The following PAG1 variants were observed in gnomAD, a reference collection of about 807,000 sequenced individuals.
PAG1 encodes the protein phosphoprotein associated with glycosphingolipid-enriched microdomains 1.
Under a neutral mutation model 31.7 loss-of-function variants are expected in PAG1, and 23 were observed. That is an observed-to-expected ratio of 0.73 (90% CI 0.52 to 1.03). The LOEUF (loss-of-function observed/expected upper bound fraction) is 1.03. Ranked by LOEUF, PAG1 falls within the 50% of genes least tolerant of loss-of-function variation. PAG1 has a pLI of 0.00. For missense variants in PAG1, 473 were observed against 540.7 expected (o/e 0.87, Z 1.24); for synonymous variants, 214 against 210.3 (o/e 1.02, Z -0.15).
chr8:80,982,248 T>C (rs1439126464), intron 7 of PAG1, among the ~76,000 whole-genome samples: 1 of 152,162 alleles, frequency 6.6e-6, no homozygotes, highest in Non-Finnish European at 1.5e-5. Context: ...ATTCTCTTTC[T>C]AATCCATTTC....
At chr8:81,009,592 C>T (rs1586162580) in intron 3 of PAG1, among the ~76,000 whole-genome samples, 3 of 152,078 alleles carry the variant, frequency 2.0e-5, no homozygotes, top group Admixed American at 1.3e-4. Flanking sequence ...TAAATTAGAC[C>T]AGTGGTTTTC....
intron 1 of PAG1, among the ~76,000 whole-genome samples, chr8:81,101,484 C>T (rs1050039312): frequency 5.3e-5 from 8 of 152,136 alleles, no homozygotes; most frequent in Non-Finnish European, 1.2e-4. Flanking sequence ...ACAATGACAC[C>T]ATTCTAGTTT....
At chr8:81,048,774 T>C (rs1347405696) in intron 2 of PAG1, among the ~76,000 whole-genome samples, 1 of 152,198 alleles carries the variant, frequency 6.6e-6, no homozygotes, top group African/African-American at 2.4e-5. Context: ...TATTAGATGA[T>C]CTTAAAAGCT....
chr8:81,111,430 G>A (rs1419705871), intron 1 of PAG1, among the ~76,000 whole-genome samples, 161 bp downstream of exon 1: 1 of 152,132 alleles, frequency 6.6e-6, no homozygotes, highest in African/African-American at 2.4e-5. Context: ...CTGGACTCCA[G>A]ACCTTCCAGC....
rs115808386 is a variant in PAG1 at position 81,073,119 on chromosome 8, C to T, written c.-233-2949G>A. The stretch of plus-strand genomic sequence containing the variant: ...ATTCTGTGCCATCTTAGGACATTTC[C>T]ACTGCCAACTTGTCCTGTGGTTGTT... On this transcript the variant is annotated intron_variant, in intron 1 of 8. Transcript: ENST00000220597. Among the ~76,000 whole-genome samples, 736 of 152,296 alleles carry T rather than the reference C, an allele frequency of 4.8e-3. 6 individuals carry two copies. The highest frequency in any genetic ancestry group is 0.016 in the African/African-American group (672 of 41,550).
At chr8:81,001,670 T>G (rs1807786939) in intron 3 of PAG1, among the ~76,000 whole-genome samples, 1 of 152,230 alleles carries the variant, frequency 6.6e-6, no homozygotes, top group Non-Finnish European at 1.5e-5. Context: ...CCAGCTACTT[T>G]ACTGTGGGTT....
Position 80,976,552 on chromosome 8 carries a change from T to C in PAG1, c.1291A>G (p.Arg431Gly). Reference protein sequence around the residue: ...SDLQQGRDITRL With the variant: ...SDLQQGRDITGL ...GGTTGTCTTCTGGGTTGCTAGAGCC[T>C]GGTAATATCTCTGCCTTGCTGCAAG... The change falls in exon 9 of 9, where the codon AGG (arginine) becomes GGG (glycine). Residue 431 changes from arginine (R) to glycine (G), a missense_variant. Transcript: ENST00000220597. 1 of 1,610,406 alleles carries C rather than the reference T, an allele frequency of 6.2e-7. No individual in the cohort carries two copies. Among genetic ancestry groups the C allele is most frequent in the Non-Finnish European group, 8.5e-7 (1 of 1,178,714 alleles).
chr8:81,087,700 C>T (rs1809382632), intron 1 of PAG1, among the ~76,000 whole-genome samples: 4 of 152,182 alleles, frequency 2.6e-5, no homozygotes, highest in African/African-American at 9.7e-5. Flanking sequence ...CACAAAGTTA[C>T]AGAACAAGCC....
chr8:81,106,908 T>C (rs16908611), intron 1 of PAG1, among the ~76,000 whole-genome samples: 3,677 of 152,328 alleles, frequency 0.024, 69 homozygotes, highest in East Asian at 0.11. Context: ...TTGAAAACCA[T>C]AGTCTCATGG....
At chr8:81,029,349 C>T (rs555202679) in intron 3 of PAG1, among the ~76,000 whole-genome samples, 146 of 133,700 alleles carry the variant, frequency 1.1e-3, no homozygotes, top group Non-Finnish European at 1.8e-3. Context: ...TCTTTGGTCT[C>T]TCTCTCTCTC....
At chr8:81,009,846 C>T (rs1008772469) in intron 3 of PAG1, among the ~76,000 whole-genome samples, 1 of 152,206 alleles carries the variant, frequency 6.6e-6, no homozygotes, top group Non-Finnish European at 1.5e-5. Flanking sequence ...AACTCCTGGC[C>T]TCAAGTGATC....
chr8:81,081,223 A>AG (rs1368997769), intron 1 of PAG1, among the ~76,000 whole-genome samples: 2 of 152,030 alleles, frequency 1.3e-5, no homozygotes, highest in Non-Finnish European at 2.9e-5. Flanking sequence ...AAAAAAAAAA[A>AG]CAGACTTTAG....
At chr8:81,097,613 C>A (rs978564431) in intron 1 of PAG1, among the ~76,000 whole-genome samples, 1 of 151,404 alleles carries the variant, frequency 6.6e-6, no homozygotes. Flanking sequence ...AGGCGAGGTT[C>A]GTAATTTCAC....
Position 81,013,403 on chromosome 8 carries a change from G to A in PAG1, c.-81+16593C>T, listed in dbSNP as rs1228966595. ...CTGCCTGGGTGTCCCCCAGGCCCTC[G>A]GCCTCAGTGTGCGCAAGGCTATACT... On this transcript the variant is annotated intron_variant, in intron 3 of 8. Transcript: ENST00000220597. Among the ~76,000 whole-genome samples, 5 of 151,968 alleles carry A rather than the reference G, an allele frequency of 3.3e-5. No homozygotes were observed. In the East Asian group the frequency reaches 7.7e-4, roughly 24 times the overall value.
chr8:80,982,519 C>A (rs2130393048), intron 7 of PAG1, among the ~76,000 whole-genome samples: 2 of 152,222 alleles, frequency 1.3e-5, no homozygotes, highest in Middle Eastern at 6.8e-3. Context: ...TATCCTGTGA[C>A]CTCACCCAAT....
chr8:81,109,229 G>C (rs1035243650), intron 1 of PAG1, among the ~76,000 whole-genome samples: 1 of 152,264 alleles, frequency 6.6e-6, no homozygotes, highest in Non-Finnish European at 1.5e-5. Context: ...CATTTCTGTT[G>C]TGGGTGCTGT....
intron 1 of PAG1, among the ~76,000 whole-genome samples, chr8:81,075,365 G>C (rs1006018332): frequency 6.6e-5 from 10 of 152,186 alleles, no homozygotes; most frequent in African/African-American, 2.2e-4. Flanking sequence ...AGTTAATGGA[G>C]GCTTTGCCTC....
At chr8:81,077,544 C>T (rs1809199167) in intron 1 of PAG1, among the ~76,000 whole-genome samples, 1 of 152,184 alleles carries the variant, frequency 6.6e-6, no homozygotes. Context: ...TGTCACCCTC[C>T]TAACATATGG....
chr8:81,034,687 G>A (rs949715381), intron 2 of PAG1, among the ~76,000 whole-genome samples: 12 of 152,252 alleles, frequency 7.9e-5, no homozygotes, highest in South Asian at 2.1e-4. Context: ...TGTTTGAGTC[G>A]TGGTTTTAAG....
Sources: gnomAD v4.1 joint callset for allele counts (sites outside exome capture counted in the v4.1 genomes callset) on GRCh38, gnomAD v4.1.1 for gene constraint, MANE v1.5 for transcripts, NCBI Gene and HGNC (gene_info 2026-07-23, HGNC 2026-07-21) for gene names.